SPAG1: variants seen among roughly 807,000 people sequenced by gnomAD.
SPAG1 encodes sperm associated antigen 1, also known as sperm-associated antigen 1.
In SPAG1, 69 loss-of-function variants were observed where a neutral mutation model predicts 100.5. The observed-to-expected ratio is 0.69, with a 90% confidence interval of 0.57 to 0.84. The LOEUF is 0.84. Ranked by LOEUF, SPAG1 falls within the 40% of genes least tolerant of loss-of-function variation. SPAG1 has a pLI of 0.00. For synonymous variants in SPAG1, 336 were observed against 411.6 expected (o/e 0.82, Z 2.22); for missense variants, 955 against 1,133.1 (o/e 0.84, Z 2.26).
Position 100,175,640 on chromosome 8 carries a change from T to C in SPAG1, c.301-2176T>C, listed in dbSNP as rs139034639. On this transcript the variant is annotated intron_variant, in intron 3 of 18. Transcript: ENST00000388798. Reference sequence around the variant, plus strand: ...TGACCCCCTGATCTAGAGGTTGAATTAGAGACGTTGTGTTTAGGGGTAAGT... The same window carrying C: ...TGACCCCCTGATCTAGAGGTTGAATCAGAGACGTTGTGTTTAGGGGTAAGT... Among the ~76,000 whole-genome samples the C allele has an allele frequency of 5.3e-3, 810 of 152,186 alleles. 8 individuals carry two copies. The highest frequency in any genetic ancestry group is 0.019 in the African/African-American group (773 of 41,500).
chr8:100,161,786 A>C (rs1815317904), intron 1 of SPAG1, among the ~76,000 whole-genome samples: 1 of 152,174 alleles, frequency 6.6e-6, no homozygotes, highest in Non-Finnish European at 1.5e-5. Context: ...CAGCACTCAG[A>C]CTTTAGATAT....
intron 3 of SPAG1, among the ~76,000 whole-genome samples, chr8:100,172,684 A>G (rs10098960): frequency 9.0e-5 from 12 of 133,630 alleles, no homozygotes; most frequent in Admixed American, 7.5e-4. Flanking sequence ...GTGTGTATGT[A>G]TGTGTATATA....
intron 14 of SPAG1, among the ~76,000 whole-genome samples, chr8:100,225,730 C>T (rs891610744): frequency 6.6e-6 from 1 of 152,144 alleles, no homozygotes; most frequent in Non-Finnish European, 1.5e-5. Flanking sequence ...CTGCTTTGGC[C>T]TCCCAAAGTG....
intron 16 of SPAG1, among the ~76,000 whole-genome samples, chr8:100,238,987 G>C (rs574871753): frequency 1.3e-5 from 2 of 152,150 alleles, no homozygotes; most frequent in Non-Finnish European, 2.9e-5. Flanking sequence ...GGAAGGTTGT[G>C]GTGATACAGA....
At chr8:100,212,301 G>A (rs993045085) in intron 10 of SPAG1, among the ~76,000 whole-genome samples, 1 of 152,138 alleles carries the variant, frequency 6.6e-6, no homozygotes, top group Admixed American at 6.5e-5. Flanking sequence ...ATAAGAATTC[G>A]TTAAAAGAGA....
rs769533705 is a variant in SPAG1 at position 100,213,809 on chromosome 8, T to G, written c.1436-10T>G. ...GATTTTAACTGTATTTAATTAAATG[T>G]GATTTTTAGGAAGTGAAATTGCAGA... On this transcript the variant is annotated splice_polypyrimidine_tract_variant and intron_variant, in intron 11 of 18. Coordinates refer to ENST00000388798, the MANE Select transcript of SPAG1 (RefSeq NM_003114.5). 1.3e-5 allele frequency: 19 copies of G among 1,475,002 alleles called. No homozygotes were observed. Among genetic ancestry groups the G allele is most frequent in the African/African-American group, 2.8e-5 (2 of 71,628 alleles). 91.4% of individuals were successfully genotyped at this position (1,475,002 alleles called of 1,614,324 possible). A position where few individuals can be genotyped will look rare whatever the true frequency, so the allele number is the denominator to read the frequency against.
At chr8:100,179,414 G>A (rs986891430) in intron 4 of SPAG1, among the ~76,000 whole-genome samples, 3 of 151,968 alleles carry the variant, frequency 2.0e-5, no homozygotes, top group African/African-American at 4.8e-5. Flanking sequence ...TAATAGTCCC[G>A]GTGTACTAAG....
rs540250012 is a variant in SPAG1 at position 100,175,897 on chromosome 8, C to G, written c.301-1919C>G. On this transcript the variant is annotated intron_variant, in intron 3 of 18. Coordinates refer to ENST00000388798, the MANE Select transcript of SPAG1 (RefSeq NM_003114.5). Reference sequence around the variant, plus strand: ...GCAGCTGATATCTATCTTTTCCCCTCAAGGCTTGAGGGTTAACAGCTTTAC... The same window carrying G: ...GCAGCTGATATCTATCTTTTCCCCTGAAGGCTTGAGGGTTAACAGCTTTAC... 5.4e-4 allele frequency among the ~76,000 whole-genome samples: 83 copies of G among 152,320 alleles called. No individual in the cohort carries two copies. In the South Asian group the frequency reaches 0.017, roughly 32 times the overall value.
intron 10 of SPAG1, 47 bp downstream of exon 10, chr8:100,194,315 T>C (rs770956238): frequency 5.1e-6 from 8 of 1,577,736 alleles, no homozygotes; most frequent in Non-Finnish European, 6.9e-6. Context: ...TGCCTTTTAA[T>C]ATGATGAGCT....
chr8:100,211,709 C>T (rs1817723332), intron 10 of SPAG1, among the ~76,000 whole-genome samples: 1 of 152,224 alleles, frequency 6.6e-6, no homozygotes, highest in African/African-American at 2.4e-5. Flanking sequence ...GTTATGCTGG[C>T]TTCTAGCTCT....
Position 100,184,801 on chromosome 8 carries a change from A to C in SPAG1, c.701+68A>C, listed in dbSNP as rs1036395391. On this transcript the variant is annotated intron_variant, in intron 7 of 18. Coordinates refer to ENST00000388798, the MANE Select transcript of SPAG1 (RefSeq NM_003114.5). Reference sequence around the variant, plus strand: ...ATGATAATGTTTTAATTGTTGAAACAATATAAATAAGCGAAAGTCTATGTC... The same window carrying C: ...ATGATAATGTTTTAATTGTTGAAACCATATAAATAAGCGAAAGTCTATGTC... The C allele has an allele frequency of 3.4e-6, 3 of 882,352 alleles. No individual in the cohort carries two copies. In the African/African-American group the frequency reaches 5.4e-5, roughly 16 times the overall value. 54.7% of individuals were successfully genotyped at this position (882,352 alleles called of 1,614,324 possible).
intron 8 of SPAG1, among the ~76,000 whole-genome samples, chr8:100,187,514 A>C (rs887155350): frequency 8.5e-5 from 13 of 152,208 alleles, no homozygotes; most frequent in Non-Finnish European, 1.5e-4. Context: ...CAAAAAACCA[A>C]CAACAACAAA....
chr8:100,180,580 A>T (rs1816324924), intron 4 of SPAG1, among the ~76,000 whole-genome samples: 1 of 152,216 alleles, frequency 6.6e-6, no homozygotes, highest in South Asian at 2.1e-4. Flanking sequence ...TCCAATGGCC[A>T]TGGCAGAACA....
chr8:100,194,065 T>C, intron 9 of SPAG1, 47 bp from the exon 10 acceptor site: 1 of 1,238,184 alleles, frequency 8.1e-7, no homozygotes, highest in Non-Finnish European at 1.1e-6. Flanking sequence ...TGGTTATATT[T>C]ATTATTAGAG....
At chr8:100,188,264 A>G (rs1586437311) in intron 8 of SPAG1, among the ~76,000 whole-genome samples, 1 of 150,922 alleles carries the variant, frequency 6.6e-6, no homozygotes, top group Non-Finnish European at 1.5e-5. Flanking sequence ...TGATCCTCCC[A>G]CCTCAGCCTA....
intron 13 of SPAG1, among the ~76,000 whole-genome samples, chr8:100,221,634 A>G (rs1586523625): frequency 6.6e-6 from 1 of 152,204 alleles, no homozygotes; most frequent in East Asian, 1.9e-4. Flanking sequence ...ACATACTAGA[A>G]TATAGTTGGG....
At chr8:100,168,756 C>T (rs1412324724) in intron 3 of SPAG1, among the ~76,000 whole-genome samples, 2 of 142,922 alleles carry the variant, frequency 1.4e-5, no homozygotes, top group African/African-American at 5.3e-5. Flanking sequence ...GACACAGTCT[C>T]AGCTCATTGC....
chr8:100,158,899 T>C (rs887028910), intron 1 of SPAG1: 18 of 151,754 alleles, frequency 1.2e-4, no homozygotes, highest in African/African-American at 4.4e-4. Flanking sequence ...GTTCTCTCAC[T>C]TGATTGTTCA....
chr8:100,207,300 G>A (rs1384682696), intron 10 of SPAG1, among the ~76,000 whole-genome samples: 1 of 152,168 alleles, frequency 6.6e-6, no homozygotes, highest in African/African-American at 2.4e-5. Flanking sequence ...TGAGGAGGTG[G>A]CTCAAATGCC....
Sources: gnomAD v4.1 joint callset for allele counts (sites outside exome capture counted in the v4.1 genomes callset) on GRCh38, gnomAD v4.1.1 for gene constraint, MANE v1.5 for transcripts, NCBI Gene and HGNC (gene_info 2026-07-23, HGNC 2026-07-21) for gene names.